DRC8: variants seen among roughly 807,000 people sequenced by gnomAD.
The protein encoded by DRC8 is dynein regulatory complex protein 8.
chr1:245,098,119 C>T, the DRC8 span, among the ~76,000 whole-genome samples: 6 of 152,110 alleles, frequency 3.9e-5, no homozygotes, highest in Non-Finnish European at 5.9e-5. Context: ...GTAGAAGCAA[C>T]AGGATTTCCC....
At chr1:245,019,768 C>T in the DRC8 span, among the ~76,000 whole-genome samples, 2 of 152,112 alleles carry the variant, frequency 1.3e-5, no homozygotes, top group African/African-American at 4.8e-5. Context: ...CATGGTGAAA[C>T]CTCATCTCTC....
At chr1:245,114,631 C>T in the DRC8 span, among the ~76,000 whole-genome samples, 1 of 152,148 alleles carries the variant, frequency 6.6e-6, no homozygotes, top group Admixed American at 6.6e-5. Context: ...GATGCGTGAA[C>T]AGCCTGCCTG....
the DRC8 span, among the ~76,000 whole-genome samples, chr1:245,114,326 G>A: frequency 1.3e-5 from 2 of 152,162 alleles, no homozygotes; most frequent in African/African-American, 4.8e-5. Context: ...TTAGCCAGGT[G>A]TGGTGGCAGG....
the DRC8 span, chr1:245,083,857 G>A: frequency 2.1e-5 from 19 of 885,624 alleles, no homozygotes; most frequent in African/African-American, 3.2e-4. Flanking sequence ...TGGGGGTTAA[G>A]AGGACAAAGA....
chr1:245,105,622 C>A, the DRC8 span, among the ~76,000 whole-genome samples: 478 of 114,050 alleles, frequency 4.2e-3, no homozygotes, highest in Middle Eastern at 9.6e-3. Context: ...GACCCCATCT[C>A]AAAAAAAAAA....
chr1:244,971,221 A>G, the DRC8 span: 3 of 151,484 alleles, frequency 2.0e-5, no homozygotes, highest in Admixed American at 2.0e-4. Context: ...AAAAAAAGAC[A>G]CACACCCAAA....
the DRC8 span, among the ~76,000 whole-genome samples, chr1:245,117,129 T>C: frequency 6.6e-6 from 1 of 152,242 alleles, no homozygotes. Context: ...CTCTGCTCAC[T>C]GCAACCTCTG....
At chr1:245,116,628 C>A in the DRC8 span, among the ~76,000 whole-genome samples, 1 of 152,126 alleles carries the variant, frequency 6.6e-6, no homozygotes, top group Non-Finnish European at 1.5e-5. Flanking sequence ...GTATTTTATA[C>A]CATATAGATA....
the DRC8 span, among the ~76,000 whole-genome samples, chr1:245,014,050 G>A: frequency 4.7e-4 from 46 of 97,212 alleles, no homozygotes; most frequent in African/African-American, 5.7e-4. Context: ...AAAAAAAAAA[G>A]ACAAAAAAAA....
At chr1:245,020,380 A>G in the DRC8 span, among the ~76,000 whole-genome samples, 2 of 151,988 alleles carry the variant, frequency 1.3e-5, no homozygotes, top group Non-Finnish European at 2.9e-5. Context: ...CTGGAATCAG[A>G]CTTCCTGGGT....
At chr1:245,038,772 T>C in the DRC8 span, among the ~76,000 whole-genome samples, 2 of 151,858 alleles carry the variant, frequency 1.3e-5, no homozygotes, top group African/African-American at 4.8e-5. Flanking sequence ...TGTTAAGTAT[T>C]TAAAAATATG....
the DRC8 span, chr1:245,082,072 T>C: frequency 6.3e-7 from 1 of 1,597,088 alleles, no homozygotes; most frequent in East Asian, 2.2e-5. Context: ...ATTTACTTAT[T>C]GAATGTTTAG....
the DRC8 span, among the ~76,000 whole-genome samples, chr1:245,056,283 T>C: frequency 1.3e-5 from 2 of 152,188 alleles, no homozygotes; most frequent in African/African-American, 4.8e-5. Context: ...CAAATTTCCA[T>C]ACCTTACATT....
chr1:245,124,061 C>T, the DRC8 span: 1 of 160,114 alleles, frequency 6.2e-6, no homozygotes, highest in Non-Finnish European at 1.4e-5. Flanking sequence ...GGCTGAGACA[C>T]CACACCTGGT....
the DRC8 span, among the ~76,000 whole-genome samples, chr1:245,062,387 C>T: frequency 6.6e-6 from 1 of 152,188 alleles, no homozygotes; most frequent in Non-Finnish European, 1.5e-5. Flanking sequence ...AAACTGGCAA[C>T]TGTGAGAAGG....
chr1:245,043,121 A>G, the DRC8 span, among the ~76,000 whole-genome samples: 1 of 152,238 alleles, frequency 6.6e-6, no homozygotes, highest in Non-Finnish European at 1.5e-5. Flanking sequence ...AATATAAGAC[A>G]TCTACGTTGA....
the DRC8 span, among the ~76,000 whole-genome samples, chr1:245,038,282 A>G: frequency 1.3e-5 from 2 of 152,218 alleles, no homozygotes; most frequent in African/African-American, 2.4e-5. Flanking sequence ...CACCCTGGCT[A>G]ACATGGTGAA....
the DRC8 span, among the ~76,000 whole-genome samples, chr1:244,993,538 A>G: frequency 6.6e-6 from 1 of 152,250 alleles, no homozygotes; most frequent in African/African-American, 2.4e-5. Context: ...CACTCAACAT[A>G]CAATGGGAAA....
chr1:245,029,816 G>A, the DRC8 span, among the ~76,000 whole-genome samples: 3 of 151,230 alleles, frequency 2.0e-5, no homozygotes, highest in Non-Finnish European at 4.4e-5. Flanking sequence ...GGCTGGTCTC[G>A]AACTCCTGGC....
Sources: gnomAD v4.1 joint callset for allele counts (sites outside exome capture counted in the v4.1 genomes callset) on GRCh38, gnomAD v4.1.1 for gene constraint, MANE v1.5 for transcripts, NCBI Gene and HGNC (gene_info 2026-07-23, HGNC 2026-07-21) for gene names.